ZNF160: variants seen among roughly 807,000 people sequenced by gnomAD.
The protein encoded by ZNF160 is zinc finger protein 160, also known as KRAB zinc finger protein KR18.
Under a neutral mutation model 13.1 loss-of-function variants are expected in ZNF160, and 9 were observed. That is an observed-to-expected ratio of 0.69 (90% CI 0.41 to 1.20). ZNF160 has a LOEUF of 1.20. Ranked by LOEUF, ZNF160 falls within the 50% of genes most tolerant of loss-of-function variation. The pLI is 0.01. For missense variants in ZNF160, 838 were observed against 988.0 expected (o/e 0.85, Z 2.04); for synonymous variants, 293 against 333.2 (o/e 0.88, Z 1.31).
intron 5 of ZNF160, chr19:53,072,911 T>C: frequency 1.3e-6 from 1 of 792,682 alleles, no homozygotes; most frequent in Non-Finnish European, 1.5e-6. Flanking sequence ...AAGAAGCATT[T>C]TTATTTAGAA....
At chr19:53,074,083 C>T (rs1177653589) in intron 5 of ZNF160, 57 bp downstream of exon 5, 3 of 1,559,310 alleles carry the variant, frequency 1.9e-6, no homozygotes, top group African/African-American at 2.7e-5. Context: ...AGCTACTGTG[C>T]CCCCTCCCAC....
intron 3 of ZNF160, among the ~76,000 whole-genome samples, chr19:53,081,998 T>C (rs1018480585): frequency 2.6e-5 from 4 of 152,188 alleles, no homozygotes; most frequent in African/African-American, 9.7e-5. Context: ...CCGTTATCCC[T>C]AGCGAATTAA....
At chr19:53,075,477 T>TG (rs2084352105) in intron 3 of ZNF160, 4 of 369,518 alleles carry the variant, frequency 1.1e-5, no homozygotes, top group South Asian at 9.1e-5. Context: ...TAAGGCTCGG[T>TG]GGGTGGTCAC....
intron 3 of ZNF160, among the ~76,000 whole-genome samples, chr19:53,080,999 G>A (rs1052608938): frequency 5.3e-5 from 8 of 152,094 alleles, no homozygotes. Flanking sequence ...AAGTGGTGCT[G>A]GGAAAACTGG....
chr19:53,082,609 GC>G (rs1820901430), intron 3 of ZNF160, among the ~76,000 whole-genome samples: 1 of 152,210 alleles, frequency 6.6e-6, no homozygotes, highest in Non-Finnish European at 1.5e-5. Flanking sequence ...GATCAAGGCT[GC>G]AGTCAGCTGT....
At chr19:53,099,506 G>A (rs1459762684) in intron 1 of ZNF160, among the ~76,000 whole-genome samples, 1 of 152,118 alleles carries the variant, frequency 6.6e-6, no homozygotes, top group Non-Finnish European at 1.5e-5. Flanking sequence ...GCCGGTGGAG[G>A]GTTCCCTACC....
rs572409577 is a variant in ZNF160, at chr19:53,089,842, A to G, written c.-46+1571T>C. On this transcript the variant is annotated intron_variant, in intron 2 of 5. Coordinates refer to ENST00000683776, the MANE Select transcript of ZNF160 (RefSeq NM_001322131.2). ...CTCTTTTTTTCCGATGTTTCCCCCC[A>G]GGTTTCTGCTCCTCATTTTGAGCCC... is the stretch of plus-strand genomic sequence containing the variant. 3.2e-4 allele frequency among the ~76,000 whole-genome samples: 47 copies of G among 148,412 alleles called. 1 individual carries two copies. The highest frequency in any genetic ancestry group is 1.1e-3 in the African/African-American group (43 of 40,088).
rs187084020 is a variant in ZNF160 at position 53,072,780 on chromosome 19, G to A, written c.271+1360C>T. On this transcript the variant is annotated intron_variant, in intron 5 of 5. Transcript: ENST00000683776. ...ACAGGAGAATCTCTCGAACCCAGGA[G>A]GCAGAAGTTGCGGTGAGCCGAGATC... 50 of 213,628 alleles carry A rather than the reference G, an allele frequency of 2.3e-4. 1 individual carries two copies. The highest frequency in any genetic ancestry group is 3.5e-4 in the Non-Finnish European group (43 of 124,416). The allele number at this position is 213,628 out of a possible 1,614,324, so 13.2% of individuals were successfully genotyped here.
At chr19:53,075,344 C>A in intron 3 of ZNF160, 161 bp from the exon 4 acceptor site, 1 of 801,396 alleles carries the variant, frequency 1.2e-6, no homozygotes, top group Non-Finnish European at 2.0e-6. Flanking sequence ...TCTTCATCCC[C>A]CTCTCCTGAC....
At chr19:53,096,126 G>A (rs1381515283) in intron 1 of ZNF160, among the ~76,000 whole-genome samples, 1 of 152,210 alleles carries the variant, frequency 6.6e-6, no homozygotes, top group African/African-American at 2.4e-5. Flanking sequence ...GGGTGAGGCA[G>A]GAGAATTGCT....
chr19:53,095,211 C>T (rs2085184659), intron 1 of ZNF160: 1 of 144,602 alleles, frequency 6.9e-6, no homozygotes, highest in Non-Finnish European at 1.5e-5. Context: ...GTTCCACCCT[C>T]CCACACGACC....
intron 1 of ZNF160, among the ~76,000 whole-genome samples, chr19:53,094,102 A>G (rs2085131974): frequency 6.6e-6 from 1 of 152,216 alleles, no homozygotes; most frequent in Non-Finnish European, 1.5e-5. Context: ...GATCTACAAC[A>G]CAAAATACTC....
At chr19:53,086,436 A>C in intron 2 of ZNF160, 115 bp from the exon 3 acceptor site, 50 of 805,080 alleles carry the variant, frequency 6.2e-5, no homozygotes, top group Non-Finnish European at 7.3e-5. Context: ...CACAGATCTC[A>C]CCCTGTGGAA....
chr19:53,070,016 T>C lies in ZNF160; in HGVS notation c.518A>G (p.Glu173Gly), dbSNP rs372962588. ...KRDQRDRRDI[E>G]NKLMNNQLGV... ...AAGCTGATTGTTCATAAGCTTGTTTTCTATGTCTCTTCTGTCGCGTTGATC... is the reference window on the plus strand; with the variant it reads ...AAGCTGATTGTTCATAAGCTTGTTTCCTATGTCTCTTCTGTCGCGTTGATC... The change falls in exon 6 of 6, where the codon GAA becomes GGA. Residue 173 changes from glutamate (E) to glycine (G), a missense_variant. By Grantham distance (98) the Glu-to-Gly change is moderately conservative. Transcript: ENST00000683776. The C allele has an allele frequency of 6.2e-7, 1 of 1,614,060 alleles. No homozygotes were observed. Among genetic ancestry groups the C allele is most frequent in the Non-Finnish European group, 8.5e-7 (1 of 1,179,970 alleles).
At position 53,069,058 on chromosome 19, in the gene ZNF160, T is replaced by C. The variant is rs748286121; in HGVS notation, c.1476A>G (p.Gln492=). 2 of 1,614,122 alleles carry C rather than the reference T, an allele frequency of 1.2e-6. No homozygotes were observed. Among genetic ancestry groups the C allele is most frequent in the Admixed American group, 3.3e-5 (2 of 60,020 alleles). The stretch of plus-strand genomic sequence containing the variant: ...TTCGATGATTTGCAAGTTGTGAATT[T>C]TGAGTGAAAACCTTGCTGCATTCAT... ...KCNECSKVFT[Q]NSQLANHRRI... is the part of the protein sequence containing the mutation. The change falls in exon 6 of 6, where the codon CAA becomes CAG. Residue 492 remains glutamine, a synonymous_variant. Coordinates refer to ENST00000683776, the MANE Select transcript of ZNF160 (RefSeq NM_001322131.2). This position sits in a 1 kb window ranked among gnomAD's most constrained non-coding sequence, Gnocchi z 4.4.
At position 53,068,662 on chromosome 19, in the gene ZNF160, A is replaced by G. The variant is rs763267121; in HGVS notation, c.1872T>C (p.His624=). The change falls in exon 6 of 6, where the codon CAT becomes CAC. Residue 624 remains histidine (H), a synonymous_variant. Transcript: ENST00000683776. The part of the protein sequence containing the change: ...IHTGEKPYKC[H]ECGKVFRHNS... Reference sequence around the variant, plus strand: ...TGTGCCTAAAAACCTTGCCGCATTCATGACATTTGTAAGGTTTCTCTCCAG... The same window carrying G: ...TGTGCCTAAAAACCTTGCCGCATTCGTGACATTTGTAAGGTTTCTCTCCAG... 5 of 1,614,046 alleles carry G rather than the reference A, an allele frequency of 3.1e-6. No homozygotes were observed. The East Asian group carries it at 8.9e-5, about 29-fold the overall frequency.
intron 1 of ZNF160, among the ~76,000 whole-genome samples, chr19:53,102,305 C>G (rs1473912437): frequency 6.6e-6 from 1 of 152,178 alleles, no homozygotes; most frequent in African/African-American, 2.4e-5. Context: ...CTTATCCCCA[C>G]TCTCTGGCAC....
chr19:53,079,625 C>T (rs2084546446), intron 3 of ZNF160, among the ~76,000 whole-genome samples: 1 of 138,578 alleles, frequency 7.2e-6, no homozygotes, highest in African/African-American at 2.7e-5. Context: ...GCAAAGATTT[C>T]TTGGCTATGA....
At chr19:53,079,939 C>T (rs2084561792) in intron 3 of ZNF160, among the ~76,000 whole-genome samples, 2 of 151,832 alleles carry the variant, frequency 1.3e-5, no homozygotes, top group African/African-American at 4.8e-5. Flanking sequence ...GCAACGACAA[C>T]AAAAACAACA....
Sources: allele counts gnomAD v4.1 joint callset (sites outside exome capture counted in the v4.1 genomes callset), GRCh38; gene constraint gnomAD v4.1.1; non-coding constraint Gnocchi (gnomAD v3.1); transcripts MANE v1.5; gene names NCBI Gene and HGNC (gene_info 2026-07-23, HGNC 2026-07-21).